Variants in GPC3 observed in about 807,000 individuals in gnomAD.
The protein encoded by GPC3 is glypican-3.
A neutral mutation model predicts 34.4 loss-of-function variants in GPC3; 3 were observed. The ratio of observed to expected loss-of-function variants is 0.09; its 90% CI spans 0.04 to 0.23. The LOEUF is 0.23. Among genes scored for constraint, GPC3 ranks in the 10% least tolerant of loss-of-function variants. The pLI, the probability that GPC3 is intolerant of heterozygous loss-of-function variation, is 1.00. For synonymous variants in GPC3, 177 were observed against 174.0 expected, an observed-to-expected ratio of 1.02 and a Z score of -0.13; for missense variants, 351 against 445.6, an observed-to-expected ratio of 0.79 and a Z score of 1.91.
At chrX:133,853,264 T>C (rs1450973748) in intron 2 of GPC3, among the ~76,000 whole-genome samples, 2 of 111,789 alleles carry the variant, frequency 1.8e-5, no homozygotes, top group African/African-American at 6.5e-5. Context: ...CAAAAGCATA[T>C]GGTTAACACT....
intron 2 of GPC3, among the ~76,000 whole-genome samples, chrX:133,802,914 CT>C (rs751359373): frequency 0.011 from 782 of 68,541 alleles, 4 homozygotes; most frequent in African/African-American, 0.038. Context: ...GGAAGGTATT[CT>C]TTTTTTTTTT....
At chrX:133,968,814 G>C (rs1263639090) in intron 1 of GPC3, among the ~76,000 whole-genome samples, 1 of 107,987 alleles carries the variant, frequency 9.3e-6, no homozygotes, top group Non-Finnish European at 1.9e-5. Context: ...TGTTTTTTAA[G>C]AAGAGAAAAA....
In GPC3 at chrX:133,833,936, ACT is replaced by A. The variant is rs753306990; in HGVS notation, c.338-79762_338-79761del. Among the ~76,000 whole-genome samples the A allele has an allele frequency of 9.8e-4, 109 of 111,199 alleles. 1 individual carries two copies. Among genetic ancestry groups the A allele is most frequent in the African/African-American group, 3.4e-3 (103 of 30,643 alleles). ...GTGTGTCTTTGTGTCTCTATGTCTC[ACT>A]CTCTCAATAAATGATAGGTGGATAG... On this transcript the variant is annotated intron_variant, in intron 2 of 7. Transcript: ENST00000370818.
intron 2 of GPC3, among the ~76,000 whole-genome samples, chrX:133,792,565 T>C (rs926596): frequency 0.12 from 13,452 of 110,316 alleles, 1,004 homozygotes; most frequent in East Asian, 0.26. Flanking sequence ...TGTTTCCCCC[T>C]AAGCTCCTGG....
At chrX:133,673,525 C>T (rs2070853938) in intron 5 of GPC3, among the ~76,000 whole-genome samples, 1 of 112,288 alleles carries the variant, frequency 8.9e-6, no homozygotes, top group Admixed American at 9.4e-5. Context: ...AAATAATGAT[C>T]AATAATTGTT....
chrX:133,836,196 C>T (rs139727715), intron 2 of GPC3, among the ~76,000 whole-genome samples: 116 of 113,333 alleles, frequency 1.0e-3, no homozygotes, highest in African/African-American at 3.3e-3. Context: ...TCCTAGAATC[C>T]GGCAAGAAAA....
At chrX:133,727,603 T>C (rs2071422914) in intron 3 of GPC3, among the ~76,000 whole-genome samples, 1 of 111,451 alleles carries the variant, frequency 9.0e-6, no homozygotes. Flanking sequence ...TATTCTTCCT[T>C]TTGACTCCTT....
chrX:133,845,650 C>T (rs1311806601), intron 2 of GPC3, among the ~76,000 whole-genome samples: 2 of 111,540 alleles, frequency 1.8e-5, no homozygotes, highest in Non-Finnish European at 3.8e-5. Context: ...TGTTAATGCT[C>T]ATCAAAATAA....
At chrX:133,611,592 A>G (rs1344639785) in intron 6 of GPC3, among the ~76,000 whole-genome samples, 4 of 112,181 alleles carry the variant, frequency 3.6e-5, no homozygotes, top group Non-Finnish European at 5.6e-5. Context: ...TTTGCATTCA[A>G]TTACACAGAA....
At chrX:133,839,171 T>A (rs1287451544) in intron 2 of GPC3, among the ~76,000 whole-genome samples, 1 of 111,634 alleles carries the variant, frequency 9.0e-6, no homozygotes, top group African/African-American at 3.3e-5. Flanking sequence ...TGGAGACTGC[T>A]GGAAGGGCCT....
At chrX:133,863,543 G>T (rs2075948695) in intron 2 of GPC3, among the ~76,000 whole-genome samples, 1 of 108,600 alleles carries the variant, frequency 9.2e-6, no homozygotes, top group Admixed American at 9.7e-5. Context: ...ACTAATAAAT[G>T]CTATCATTTA....
intron 2 of GPC3, among the ~76,000 whole-genome samples, chrX:133,862,230 C>T (rs2075940320): frequency 9.0e-6 from 1 of 111,088 alleles, no homozygotes; most frequent in Admixed American, 9.6e-5. Context: ...TACAGAAATG[C>T]AATCATTCCT....
intron 2 of GPC3, among the ~76,000 whole-genome samples, chrX:133,938,498 A>C (rs1380343607): frequency 8.9e-6 from 1 of 112,060 alleles, no homozygotes; most frequent in Non-Finnish European, 1.9e-5. Context: ...GCCTCAATTA[A>C]TGGGCTTGCT....
At position 133,985,558 on chromosome X, in the gene GPC3, C is replaced by T; in HGVS notation, c.-109G>A. 1 of 782,674 alleles carries T rather than the reference C, an allele frequency of 1.3e-6. No homozygotes were observed. The highest frequency in any genetic ancestry group is 1.8e-6 in the Non-Finnish European group (1 of 543,811). 64.5% of individuals were successfully genotyped at this position (782,674 alleles called of 1,213,427 possible). A position where few individuals can be genotyped will look rare whatever the true frequency, so the allele number is the denominator to read the frequency against. The stretch of plus-strand genomic sequence containing the variant: ...GCCCTGAGGAGCAAGAGACGTGCTG[C>T]TACCCAGCCGCTGCAAAAGTTTCCT... On this transcript the variant is annotated 5_prime_UTR_variant, in exon 1 of 8. Transcript: ENST00000370818.
chrX:133,938,815 A>C (rs985626940), intron 2 of GPC3, among the ~76,000 whole-genome samples: 2 of 112,139 alleles, frequency 1.8e-5, no homozygotes, highest in Non-Finnish European at 3.8e-5. Flanking sequence ...ACCGCCTTCA[A>C]AATAAGAAGA....
intron 7 of GPC3, among the ~76,000 whole-genome samples, chrX:133,596,052 T>C (rs2069910959): frequency 8.9e-6 from 1 of 111,882 alleles, no homozygotes. Context: ...GTTTGTTATA[T>C]AGGTAAACTT....
intron 6 of GPC3, among the ~76,000 whole-genome samples, chrX:133,629,256 A>G (rs1452601946): frequency 1.8e-5 from 2 of 112,061 alleles, no homozygotes; most frequent in African/African-American, 6.5e-5. Flanking sequence ...AGGTTTTCTC[A>G]GCTCTGTCAC....
chrX:133,676,209 G>A (rs2070883020), intron 5 of GPC3, among the ~76,000 whole-genome samples: 1 of 112,393 alleles, frequency 8.9e-6, no homozygotes, highest in African/African-American at 3.2e-5. Flanking sequence ...AAGAACACTG[G>A]CTGGTCTTGT....
At chrX:133,697,967 T>C (rs1400094991) in intron 4 of GPC3, among the ~76,000 whole-genome samples, 1 of 112,070 alleles carries the variant, frequency 8.9e-6, no homozygotes, top group Non-Finnish European at 1.9e-5. Flanking sequence ...AAGGCTGGAA[T>C]ATGTAGATAT....
Sources: gnomAD v4.1 joint callset for allele counts (sites outside exome capture counted in the v4.1 genomes callset) on GRCh38, gnomAD v4.1.1 for gene constraint, MANE v1.5 for transcripts, NCBI Gene and HGNC (gene_info 2026-07-23, HGNC 2026-07-21) for gene names.